The following IL1RAPL2 variants were observed in gnomAD, a reference collection of about 807,000 sequenced individuals.
IL1RAPL2 encodes X-linked interleukin-1 receptor accessory protein-like 2.
A neutral mutation model predicts 44.1 loss-of-function variants in IL1RAPL2; 3 were observed. The ratio of observed to expected loss-of-function variants is 0.07; its 90% confidence interval spans 0.03 to 0.18. The LOEUF is 0.18. IL1RAPL2 is among the 10% of genes least tolerant of loss of function. The pLI, the probability that IL1RAPL2 is intolerant of heterozygous loss-of-function variation, is 1.00. For missense variants in IL1RAPL2, 391 were observed against 496.4 expected, an observed-to-expected ratio of 0.79 and a Z score of 2.02; for synonymous variants, 181 against 178.8, an observed-to-expected ratio of 1.01 and a Z score of -0.10.
chrX:105,245,757 A>T (rs1265750198), intron 4 of IL1RAPL2, among the ~76,000 whole-genome samples: 1 of 112,642 alleles, frequency 8.9e-6, no homozygotes, highest in Non-Finnish European at 1.9e-5. Flanking sequence ...TTTTGATAGG[A>T]TATTGGCAAG....
intron 2 of IL1RAPL2, chrX:104,803,795 G>T (rs1427048707): frequency 2.7e-5 from 3 of 112,287 alleles, no homozygotes; most frequent in Non-Finnish European, 5.6e-5. Context: ...CAGCCTTGTT[G>T]CAATCAGCAG....
chrX:104,795,658 G>C (rs1372783779), intron 2 of IL1RAPL2, among the ~76,000 whole-genome samples: 1 of 111,110 alleles, frequency 9.0e-6, no homozygotes, highest in Admixed American at 9.6e-5. Context: ...AGGTGATGAG[G>C]TATGTATAAG....
At chrX:105,418,688 A>G (rs1250922316) in intron 5 of IL1RAPL2, among the ~76,000 whole-genome samples, 1 of 111,331 alleles carries the variant, frequency 9.0e-6, no homozygotes, top group Non-Finnish European at 1.9e-5. Flanking sequence ...ACATAGTTGA[A>G]TGGAGAAGAT....
At chrX:104,763,861 G>A (rs1003069750) in intron 2 of IL1RAPL2, among the ~76,000 whole-genome samples, 6 of 111,275 alleles carry the variant, frequency 5.4e-5, no homozygotes, top group African/African-American at 2.0e-4. Context: ...GATGAGATTT[G>A]AGTGGGGACA....
intron 2 of IL1RAPL2, among the ~76,000 whole-genome samples, chrX:105,012,899 G>T (rs1048306739): frequency 1.8e-5 from 2 of 109,974 alleles, no homozygotes; most frequent in Non-Finnish European, 3.8e-5. Flanking sequence ...GATCTCTGGT[G>T]GTAAAACTCA....
At chrX:104,680,354 T>C (rs1450850385) in intron 2 of IL1RAPL2, among the ~76,000 whole-genome samples, 2 of 111,441 alleles carry the variant, frequency 1.8e-5, no homozygotes, top group African/African-American at 6.5e-5. Flanking sequence ...CAAAATTGTA[T>C]GTGTGGGCAT....
chrX:105,607,441 T>G (rs2037302100), intron 6 of IL1RAPL2, among the ~76,000 whole-genome samples: 1 of 108,103 alleles, frequency 9.3e-6, no homozygotes, highest in South Asian at 4.0e-4. Flanking sequence ...CATTAAATTC[T>G]AATGTATATA....
At chrX:104,954,417 C>G (rs1295466371) in intron 2 of IL1RAPL2, among the ~76,000 whole-genome samples, 2 of 112,804 alleles carry the variant, frequency 1.8e-5, no homozygotes, top group African/African-American at 6.4e-5. Context: ...TATAGTGACA[C>G]ACAAGACAGA....
At chrX:105,129,734 G>T (rs755824029) in intron 2 of IL1RAPL2, among the ~76,000 whole-genome samples, 18 of 110,670 alleles carry the variant, frequency 1.6e-4, no homozygotes, top group Admixed American at 2.9e-4. Flanking sequence ...CAAGCCTATT[G>T]TGAAATAGGT....
Position 105,079,563 on chromosome X carries a change from G to T in IL1RAPL2, c.83-115912G>T, listed in dbSNP as rs774950597. Reference sequence around the variant, plus strand: ...TTTTATGGCTGCATAGTATTCCATGGTGTATATGTGCCACATTTTCTTAAT... The same window carrying T: ...TTTTATGGCTGCATAGTATTCCATGTTGTATATGTGCCACATTTTCTTAAT... On this transcript the variant is annotated intron_variant, in intron 2 of 10. Coordinates refer to ENST00000372582, the MANE Select transcript of IL1RAPL2 (RefSeq NM_017416.2). Among the ~76,000 whole-genome samples the T allele has an allele frequency of 2.7e-5, 3 of 109,383 alleles. No homozygotes were observed. The South Asian group carries it at 1.2e-3, about 45-fold the overall frequency. 95.0% of individuals were successfully genotyped at this position (109,383 alleles called of 115,157 possible).
chrX:105,008,604 A>G, intron 2 of IL1RAPL2, among the ~76,000 whole-genome samples: 1 of 111,402 alleles, frequency 9.0e-6, no homozygotes. Flanking sequence ...AATTAATTCA[A>G]GATGGATTAA....
intron 5 of IL1RAPL2, among the ~76,000 whole-genome samples, chrX:105,432,429 A>G (rs759762333): frequency 9.1e-6 from 1 of 110,209 alleles, no homozygotes; most frequent in Admixed American, 9.7e-5. Context: ...TCTTACTGTC[A>G]CTGAAATCAC....
At chrX:104,706,326 C>T (rs1007937255) in intron 2 of IL1RAPL2, among the ~76,000 whole-genome samples, 1 of 112,222 alleles carries the variant, frequency 8.9e-6, no homozygotes, top group South Asian at 3.7e-4. Flanking sequence ...AGATTACAGA[C>T]TCATGTATAT....
At chrX:104,867,880 G>A (rs1439016816) in intron 2 of IL1RAPL2, among the ~76,000 whole-genome samples, 1 of 112,056 alleles carries the variant, frequency 8.9e-6, no homozygotes, top group Non-Finnish European at 1.9e-5. Context: ...GGGTATAGAT[G>A]TGAAATGTGT....
At chrX:104,796,230 A>C (rs1469171918) in intron 2 of IL1RAPL2, among the ~76,000 whole-genome samples, 1 of 112,557 alleles carries the variant, frequency 8.9e-6, no homozygotes, top group African/African-American at 3.2e-5. Context: ...GTAAGAATGC[A>C]ACATAAAAAT....
At chrX:105,676,646 G>C (rs1429408019) in intron 6 of IL1RAPL2, among the ~76,000 whole-genome samples, 2 of 112,031 alleles carry the variant, frequency 1.8e-5, no homozygotes. Context: ...ACCTGCTAAA[G>C]GTTACTGCTA....
At chrX:105,358,793 G>A (rs541488114) in intron 5 of IL1RAPL2, among the ~76,000 whole-genome samples, 3 of 111,260 alleles carry the variant, frequency 2.7e-5, no homozygotes, top group African/African-American at 9.8e-5. Flanking sequence ...AATCTTCATC[G>A]AATAACTATG....
intron 1 of IL1RAPL2, among the ~76,000 whole-genome samples, chrX:104,637,847 T>C (rs1929854843): frequency 9.1e-6 from 1 of 109,817 alleles, no homozygotes; most frequent in Non-Finnish European, 1.9e-5. Flanking sequence ...TGTGTGATTA[T>C]ATGGTTTTGG....
At chrX:105,061,238 T>A (rs1054827400) in intron 2 of IL1RAPL2, among the ~76,000 whole-genome samples, 2 of 111,526 alleles carry the variant, frequency 1.8e-5, no homozygotes, top group Non-Finnish European at 3.8e-5. Context: ...TATGTTATGT[T>A]TCCATTTTCA....
Sources: allele counts gnomAD v4.1 joint callset (sites outside exome capture counted in the v4.1 genomes callset), GRCh38; gene constraint gnomAD v4.1.1; transcripts MANE v1.5; gene names NCBI Gene and HGNC (gene_info 2026-07-23, HGNC 2026-07-21).